Variants in FAM76A observed in about 807,000 individuals in gnomAD.
The protein encoded by FAM76A is protein FAM76A.
Under a neutral mutation model 46.2 loss-of-function variants are expected in FAM76A, and 32 were observed. The observed-to-expected ratio is 0.69, with a 90% CI of 0.52 to 0.93. The LOEUF (loss-of-function observed/expected upper bound fraction) is 0.93, where lower values mean the gene tolerates loss of function less well. FAM76A is among the 40% of genes least tolerant of loss of function. The pLI, the probability that FAM76A is intolerant of heterozygous loss-of-function variation, is 0.00. For missense variants in FAM76A, 274 were observed against 361.5 expected, an observed-to-expected ratio of 0.76 and a Z score of 1.96; for synonymous variants, 137 against 127.0, an observed-to-expected ratio of 1.08 and a Z score of -0.53.
intron 4 of FAM76A, chr1:27,740,755 G>T: frequency 2.7e-6 from 1 of 365,374 alleles, no homozygotes; most frequent in South Asian, 3.1e-5. Flanking sequence ...TCATTCTAAT[G>T]ATTAAAATTG....
chr1:27,744,428 G>A lies in FAM76A; in HGVS notation c.355-226G>A, dbSNP rs149323941. On this transcript the variant is annotated intron_variant, in intron 4 of 8. Transcript: ENST00000373954. ...AGGTATGAGCCACCGCGCCCGGCCC[G>A]GCAGCTGAAATTTATTAAGCAACTT... Among the ~76,000 whole-genome samples the A allele has an allele frequency of 3.9e-3, 599 of 152,124 alleles. 9 individuals carry two copies. Among genetic ancestry groups the A allele is most frequent in the African/African-American group, 0.013 (559 of 41,518 alleles).
intron 7 of FAM76A, among the ~76,000 whole-genome samples, chr1:27,756,674 A>G (rs2088414640): frequency 6.6e-6 from 1 of 152,056 alleles, no homozygotes. Flanking sequence ...TCAGAATAAG[A>G]CCAGTCTTAT....
intron 4 of FAM76A, chr1:27,739,957 G>A: frequency 7.2e-6 from 2 of 278,826 alleles, no homozygotes; most frequent in East Asian, 1.8e-4. Flanking sequence ...CAGTGCTATG[G>A]CTTTAGGCTG....
chr1:27,747,685 G>A (rs1050006348), intron 5 of FAM76A, among the ~76,000 whole-genome samples: 1 of 152,126 alleles, frequency 6.6e-6, no homozygotes, highest in Non-Finnish European at 1.5e-5. Context: ...GGGAGGCCGA[G>A]GCAGGTGGAT....
rs1387315280 is a variant in FAM76A, at chr1:27,761,164, G to A, written c.*583G>A. 1 of 151,440 alleles carries A rather than the reference G, an allele frequency of 6.6e-6. No homozygotes were observed. Among genetic ancestry groups the A allele is most frequent in the Non-Finnish European group, 1.5e-5 (1 of 67,848 alleles). 9.4% of individuals were successfully genotyped at this position (151,440 alleles called of 1,614,324 possible). A position where few individuals can be genotyped will look rare whatever the true frequency, so the allele number is the denominator to read the frequency against. On this transcript the variant is annotated 3_prime_UTR_variant, in exon 9 of 9. Transcript: ENST00000373954. The stretch of plus-strand genomic sequence containing the variant: ...GTATTATGTATGAACTTTGTACTAT[G>A]TATAGCCAGAGTTTTATTTATTTTT...
At chr1:27,743,535 C>T (rs137984982) in intron 4 of FAM76A, among the ~76,000 whole-genome samples, 113 of 152,178 alleles carry the variant, frequency 7.4e-4, no homozygotes, top group Middle Eastern at 6.8e-3. Flanking sequence ...GAGGCCAAGA[C>T]AGGAGATCAC....
rs528579320 is a variant in FAM76A at position 27,732,766 on chromosome 1, T to C, written c.201+109T>C. ...ATATTTTTATTAGAATAAATGGTTA[T>C]GTGTAATATATCTGATACTGATTTC... On this transcript the variant is annotated intron_variant, in intron 3 of 8. Transcript: ENST00000373954. The C allele has an allele frequency of 3.9e-5, 30 of 764,406 alleles. 1 individual carries two copies. In the South Asian group the frequency reaches 7.1e-4, roughly 18 times the overall value. 47.4% of individuals were successfully genotyped at this position (764,406 alleles called of 1,614,324 possible). A position where few individuals can be genotyped will look rare whatever the true frequency, so the allele number is the denominator to read the frequency against.
chr1:27,746,275 T>C (rs1048056000), intron 5 of FAM76A, among the ~76,000 whole-genome samples: 1 of 152,120 alleles, frequency 6.6e-6, no homozygotes, highest in African/African-American at 2.4e-5. Context: ...GGGTTTCTTA[T>C]TTGGGTGAAT....
At chr1:27,739,405 C>T in intron 4 of FAM76A, 1 of 514,350 alleles carries the variant, frequency 1.9e-6, no homozygotes, top group South Asian at 1.4e-5. Flanking sequence ...TGTCTTCAGG[C>T]CAACCTCGTG....
chr1:27,728,488 G>A (rs538278192), intron 2 of FAM76A, among the ~76,000 whole-genome samples: 1 of 152,072 alleles, frequency 6.6e-6, no homozygotes, highest in African/African-American at 2.4e-5. Context: ...AAGTAACTGG[G>A]ACCACAGGTG....
At chr1:27,727,665 T>C in intron 2 of FAM76A, 129 bp downstream of exon 2, 1 of 690,164 alleles carries the variant, frequency 1.4e-6, no homozygotes. Context: ...ATCAATCACA[T>C]TATATACAGA....
intron 8 of FAM76A, 27 bp from the exon 9 acceptor site, chr1:27,760,465 CCTT>C: frequency 6.3e-7 from 1 of 1,576,388 alleles, no homozygotes; most frequent in Non-Finnish European, 8.7e-7. Context: ...TTTGAAACAT[CCTT>C]CTTGCACTGA....
intron 2 of FAM76A, among the ~76,000 whole-genome samples, chr1:27,730,928 G>T (rs1250894823): frequency 1.3e-5 from 2 of 152,036 alleles, no homozygotes; most frequent in Non-Finnish European, 2.9e-5. Flanking sequence ...CTCCTAAAGT[G>T]CTGGGATTAC....
At chr1:27,752,480 G>A (rs1258235940) in intron 6 of FAM76A, among the ~76,000 whole-genome samples, 2 of 152,120 alleles carry the variant, frequency 1.3e-5, no homozygotes, top group African/African-American at 2.4e-5. Context: ...TTAATCATGT[G>A]TGTTTATTTT....
chr1:27,742,206 CTG>C (rs981962867), intron 4 of FAM76A, among the ~76,000 whole-genome samples: 2 of 152,174 alleles, frequency 1.3e-5, no homozygotes, highest in Non-Finnish European at 2.9e-5. Flanking sequence ...GAAATGAAAA[CTG>C]TAAAATTCCA....
chr1:27,749,049 C>T lies in FAM76A; in HGVS notation c.513-19C>T. The T allele has an allele frequency of 6.6e-7, 1 of 1,522,504 alleles. No individual in the cohort carries two copies. The highest frequency in any genetic ancestry group is 9.0e-7 in the Non-Finnish European group (1 of 1,115,832). The allele number at this position is 1,522,504 out of a possible 1,614,324, so 94.3% of individuals were successfully genotyped here. On this transcript the variant is annotated intron_variant, in intron 5 of 8. Transcript: ENST00000373954. ...TCTTTGATTTCTAATGTGTGTCTCT[C>T]TATTTTTGCCATTAAAAGCCAGAAA...
At chr1:27,740,367 A>G (rs2088130952) in intron 4 of FAM76A, 1 of 1,156,498 alleles carries the variant, frequency 8.6e-7, no homozygotes, top group South Asian at 1.2e-5. Context: ...CTTGGTTATC[A>G]CAGTGGAACC....
At chr1:27,742,576 T>C (rs1046172044) in intron 4 of FAM76A, among the ~76,000 whole-genome samples, 5 of 152,142 alleles carry the variant, frequency 3.3e-5, no homozygotes, top group Non-Finnish European at 5.9e-5. Flanking sequence ...TTATAAAGTA[T>C]TAAAACTGAG....
chr1:27,726,968 CAT>C (rs1367379027), intron 1 of FAM76A, among the ~76,000 whole-genome samples: 1 of 152,104 alleles, frequency 6.6e-6, no homozygotes, highest in Non-Finnish European at 1.5e-5. Context: ...TTGGATAACT[CAT>C]AATTGTCACT....
Sources: allele counts gnomAD v4.1 joint callset (sites outside exome capture counted in the v4.1 genomes callset), GRCh38; gene constraint gnomAD v4.1.1; transcripts MANE v1.5; gene names NCBI Gene and HGNC (gene_info 2026-07-23, HGNC 2026-07-21).